Variants in AFF2 observed in about 807,000 individuals in gnomAD.
The protein encoded by AFF2 is AF4/FMR2 family member 2.
AFF2 carries 14 observed loss-of-function variants against 76.9 expected under a neutral mutation model. The ratio of observed to expected loss-of-function variants is 0.18; its 90% confidence interval spans 0.12 to 0.28. The LOEUF is 0.28. Among genes scored for constraint, AFF2 ranks in the 10% least tolerant of loss-of-function variants. The probability of loss-of-function intolerance (pLI) is 1.00; values close to 1 mark genes in which losing one functional copy is unlikely to be tolerated. For missense variants in AFF2, 868 were observed against 1,001.1 expected, an observed-to-expected ratio of 0.87 and a Z score of 1.79; for synonymous variants, 398 against 366.7, an observed-to-expected ratio of 1.09 and a Z score of -0.98.
intron 3 of AFF2, among the ~76,000 whole-genome samples, chrX:148,664,094 G>A (rs781951755): frequency 9.0e-6 from 1 of 111,038 alleles, no homozygotes; most frequent in Admixed American, 9.6e-5. Flanking sequence ...AGCCCCTCTT[G>A]ACTGGTCTCC....
At chrX:148,856,832 G>T (rs1272873177) in intron 7 of AFF2, among the ~76,000 whole-genome samples, 2 of 112,299 alleles carry the variant, frequency 1.8e-5, no homozygotes, top group Non-Finnish European at 3.8e-5. Flanking sequence ...CCCAGTTTTT[G>T]CATGCATAAA....
intron 1 of AFF2, among the ~76,000 whole-genome samples, chrX:148,635,518 G>A (rs2054021944): frequency 8.9e-6 from 1 of 112,042 alleles, no homozygotes; most frequent in African/African-American, 3.2e-5. Context: ...TGCGTTTGTA[G>A]TAATTTGTTA....
chrX:148,500,681 CCGCTGCCGCCCCGGCTGCCGCGCCG>C lies in AFF2; in HGVS notation c.-413_-389del, dbSNP rs2052332824. The C allele has an allele frequency of 2.1e-5, 2 of 96,019 alleles. No homozygotes were observed. Among genetic ancestry groups the C allele is most frequent in the Non-Finnish European group, 4.2e-5 (2 of 47,471 alleles). 7.9% of individuals were successfully genotyped at this position (96,019 alleles called of 1,213,427 possible). On this transcript the variant is annotated 5_prime_UTR_variant, in exon 1 of 21. Coordinates refer to ENST00000370460, the MANE Select transcript of AFF2 (RefSeq NM_002025.4). ...GCCGCCGCCGCCGCCGCCGCCGCCGCCGCTGCCGCCCCGGCTGCCGCGCCGCGCCGCTGCCTCTGCCCCGGCCGCC... is the reference window on the plus strand; with the variant it reads ...GCCGCCGCCGCCGCCGCCGCCGCCGCCGCCGCTGCCTCTGCCCCGGCCGCC...
chrX:148,571,645 A>T (rs1389612313), intron 1 of AFF2, among the ~76,000 whole-genome samples: 2 of 111,624 alleles, frequency 1.8e-5, no homozygotes, highest in South Asian at 3.7e-4. Context: ...TGCCAATTAA[A>T]AAAAGGCACT....
intron 9 of AFF2, among the ~76,000 whole-genome samples, chrX:148,930,903 C>T (rs2071704020): frequency 8.9e-6 from 1 of 111,834 alleles, no homozygotes; most frequent in Admixed American, 9.5e-5. Context: ...TAATGGGTTT[C>T]ATTCATTTCA....
At chrX:148,872,244 C>A (rs1557277437) in intron 7 of AFF2, among the ~76,000 whole-genome samples, 1 of 111,471 alleles carries the variant, frequency 9.0e-6, no homozygotes, top group Non-Finnish European at 1.9e-5. Context: ...ATTTTTATCA[C>A]CCCGAAAGAA....
intron 3 of AFF2, among the ~76,000 whole-genome samples, chrX:148,755,732 A>T (rs1432494144): frequency 9.0e-6 from 1 of 111,565 alleles, no homozygotes; most frequent in African/African-American, 3.3e-5. Context: ...CTATCCATCT[A>T]TCTATCTATC....
chrX:148,617,826 C>A (rs1182511930), intron 1 of AFF2, among the ~76,000 whole-genome samples: 2 of 112,049 alleles, frequency 1.8e-5, no homozygotes, highest in Non-Finnish European at 3.8e-5. Context: ...GATTCACTGC[C>A]AGAAGAGATA....
At chrX:148,546,943 G>A (rs1159294576) in intron 1 of AFF2, 2 of 112,280 alleles carry the variant, frequency 1.8e-5, no homozygotes, top group Non-Finnish European at 3.8e-5. Context: ...GTATTTAATT[G>A]AGCAGCTACT....
At chrX:148,817,569 T>G (rs2070281058) in intron 4 of AFF2, among the ~76,000 whole-genome samples, 1 of 112,152 alleles carries the variant, frequency 8.9e-6, no homozygotes, top group Admixed American at 9.5e-5. Context: ...GTATAACTTT[T>G]ACACGACATA....
At chrX:148,775,809 A>G (rs1161645117) in intron 3 of AFF2, among the ~76,000 whole-genome samples, 1 of 109,924 alleles carries the variant, frequency 9.1e-6, no homozygotes, top group Non-Finnish European at 1.9e-5. Context: ...GGGTGATTAT[A>G]TTTAGGGTCT....
intron 7 of AFF2, among the ~76,000 whole-genome samples, chrX:148,868,981 A>G (rs782255009): frequency 2.7e-5 from 3 of 112,816 alleles, no homozygotes; most frequent in Non-Finnish European, 5.6e-5. Flanking sequence ...TTAGGTTTCA[A>G]CATGAATTTT....
At chrX:148,726,089 A>T (rs73603950) in intron 3 of AFF2, among the ~76,000 whole-genome samples, 7,598 of 111,209 alleles carry the variant, frequency 0.068, 594 homozygotes, top group African/African-American at 0.22. Context: ...AACAAGAATA[A>T]ATATTACAGC....
chrX:148,598,393 A>G lies in AFF2; in HGVS notation c.48-53606A>G, dbSNP rs782795361. 9.3e-4 allele frequency among the ~76,000 whole-genome samples: 104 copies of G among 111,434 alleles called. 1 individual carries two copies. Among genetic ancestry groups the G allele is most frequent in the African/African-American group, 3.2e-3 (99 of 30,663 alleles). ...TCCCCTTCCCCCTCCCCATAAATGAATAAAAAAAATAAAACCCAAACAAAC... is the reference window on the plus strand; with the variant it reads ...TCCCCTTCCCCCTCCCCATAAATGAGTAAAAAAAATAAAACCCAAACAAAC... On this transcript the variant is annotated intron_variant, in intron 1 of 20. Coordinates refer to ENST00000370460, the MANE Select transcript of AFF2 (RefSeq NM_002025.4).
At chrX:148,626,975 T>C (rs554752080) in intron 1 of AFF2, among the ~76,000 whole-genome samples, 40 of 111,447 alleles carry the variant, frequency 3.6e-4, no homozygotes, top group African/African-American at 1.3e-3. Flanking sequence ...TTTGGGAGAC[T>C]AAGGCAGGAG....
chrX:148,808,577 T>C (rs781843064), intron 3 of AFF2, among the ~76,000 whole-genome samples: 1 of 112,130 alleles, frequency 8.9e-6, no homozygotes, highest in East Asian at 2.8e-4. Flanking sequence ...GGAAAGGGAA[T>C]ACTATCAATA....
intron 1 of AFF2, among the ~76,000 whole-genome samples, chrX:148,529,084 A>G: frequency 8.9e-6 from 1 of 112,462 alleles, no homozygotes; most frequent in East Asian, 2.8e-4. Context: ...GATCTGAAAT[A>G]TCATCAATCA....
chrX:148,582,905 C>T (rs1162852536), intron 1 of AFF2, among the ~76,000 whole-genome samples: 2 of 112,072 alleles, frequency 1.8e-5, no homozygotes, highest in Non-Finnish European at 3.8e-5. Context: ...GAATATTATT[C>T]AGCCACGAAA....
At chrX:148,722,151 G>T (rs2055100680) in intron 3 of AFF2, among the ~76,000 whole-genome samples, 1 of 111,204 alleles carries the variant, frequency 9.0e-6, no homozygotes. Flanking sequence ...ATCTTGATAT[G>T]GAAGGACTGG....
Sources: allele counts gnomAD v4.1 joint callset (sites outside exome capture counted in the v4.1 genomes callset), GRCh38; gene constraint gnomAD v4.1.1; transcripts MANE v1.5; gene names NCBI Gene and HGNC (gene_info 2026-07-23, HGNC 2026-07-21).